Variants in B3GALNT1 observed in about 807,000 individuals in gnomAD.
B3GALNT1 encodes beta-1,3-N-acetylgalactosaminyltransferase 1 (Globoside blood group).
Under a neutral mutation model 27.3 loss-of-function variants are expected in B3GALNT1, and 17 were observed. The observed-to-expected ratio is 0.62, with a 90% CI of 0.43 to 0.94. The LOEUF (loss-of-function observed/expected upper bound fraction) is 0.94. Ranked by LOEUF, B3GALNT1 falls within the 40% of genes least tolerant of loss-of-function variation. The pLI, the probability that B3GALNT1 is intolerant of heterozygous loss-of-function variation, is 0.00. For synonymous variants in B3GALNT1, 141 were observed against 144.0 expected (o/e 0.98, Z 0.15); for missense variants, 347 against 390.0 (o/e 0.89, Z 0.93).
At chr3:161,090,751 G>A (rs1724642800) in intron 4 of B3GALNT1, among the ~76,000 whole-genome samples, 3 of 151,676 alleles carry the variant, frequency 2.0e-5, no homozygotes, top group Admixed American at 6.6e-5. Flanking sequence ...TACACAATTT[G>A]TTTCATCCAT....
rs965178579 is a variant in B3GALNT1, at chr3:161,084,767, C to G, written c.*992G>C. 2.0e-5 allele frequency: 3 copies of G among 152,176 alleles called. No homozygotes were observed. The highest frequency in any genetic ancestry group is 1.3e-4 in the Admixed American group (2 of 15,276). 9.4% of individuals were successfully genotyped at this position (152,176 alleles called of 1,614,324 possible). ...TAATAATGCAACTTGGATCTTCACTCTTCTCTTTCCAATTCAAATGCTGGA... is the reference window on the plus strand; with the variant it reads ...TAATAATGCAACTTGGATCTTCACTGTTCTCTTTCCAATTCAAATGCTGGA... On this transcript the variant is annotated 3_prime_UTR_variant, in exon 5 of 5. Coordinates refer to ENST00000320474, the MANE Select transcript of B3GALNT1 (RefSeq NM_003781.4).
intron 4 of B3GALNT1, among the ~76,000 whole-genome samples, chr3:161,091,820 C>CTA (rs1725272334): frequency 6.6e-6 from 1 of 152,112 alleles, no homozygotes. Flanking sequence ...TAAGCAGAGA[C>CTA]TACTATAGAT....
At chr3:161,100,609 A>G (rs1312961872) in intron 4 of B3GALNT1, among the ~76,000 whole-genome samples, 1 of 152,232 alleles carries the variant, frequency 6.6e-6, no homozygotes, top group Admixed American at 6.5e-5. Flanking sequence ...CAATCCCTGT[A>G]TATGGGAATC....
intron 4 of B3GALNT1, among the ~76,000 whole-genome samples, chr3:161,095,126 C>G (rs1417302024): frequency 6.6e-6 from 1 of 152,110 alleles, no homozygotes; most frequent in African/African-American, 2.4e-5. Context: ...GCCACCAAAC[C>G]CGGCCTGACT....
chr3:161,086,524 A>C lies in B3GALNT1; in HGVS notation c.231T>G (p.Asn77Lys), dbSNP rs757485787. The stretch of plus-strand genomic sequence containing the variant: ...AGGTCACCAGAATGACCAGAAATGG[A>C]TTTTGATGAGAGCAGTTTGAATGCT... ...LREHSNCSHQ[N>K]PFLVILVTSH... Residue 77 changes from asparagine (N) to lysine (K), a missense_variant, in exon 5 of 5, where the codon AAT becomes AAG. Transcript: ENST00000320474. The C allele has an allele frequency of 6.2e-7, 1 of 1,614,132 alleles. No homozygotes were observed. Among genetic ancestry groups the C allele is most frequent in the South Asian group, 1.1e-5 (1 of 91,080 alleles).
At chr3:161,093,675 A>G (rs1218941697) in intron 4 of B3GALNT1, among the ~76,000 whole-genome samples, 3 of 152,240 alleles carry the variant, frequency 2.0e-5, no homozygotes, top group African/African-American at 4.8e-5. Context: ...GAAAGAAATT[A>G]TAACTTAAAA....
intron 4 of B3GALNT1, among the ~76,000 whole-genome samples, chr3:161,095,666 G>GA (rs1265751213): frequency 6.6e-6 from 1 of 152,170 alleles, no homozygotes; most frequent in African/African-American, 2.4e-5. Context: ...TGCCCAGAGG[G>GA]AAAAAATTAA....
At chr3:161,102,666 A>T (rs1345668003) in intron 3 of B3GALNT1, among the ~76,000 whole-genome samples, 2 of 152,236 alleles carry the variant, frequency 1.3e-5, no homozygotes, top group African/African-American at 4.8e-5. Flanking sequence ...CTGTTGTGCA[A>T]GGTCATTAAG....
chr3:161,096,761 G>C (rs971632759), intron 4 of B3GALNT1, among the ~76,000 whole-genome samples: 4 of 152,162 alleles, frequency 2.6e-5, no homozygotes, highest in Non-Finnish European at 5.9e-5. Flanking sequence ...AACACAACCA[G>C]TGCCATCTGA....
intron 4 of B3GALNT1, among the ~76,000 whole-genome samples, chr3:161,089,640 C>A (rs1723918475): frequency 6.6e-6 from 1 of 151,564 alleles, no homozygotes; most frequent in African/African-American, 2.4e-5. Context: ...TCTGTCTATT[C>A]AATATAAGGT....
At chr3:161,089,685 A>G (rs1723945238) in intron 4 of B3GALNT1, among the ~76,000 whole-genome samples, 1 of 152,220 alleles carries the variant, frequency 6.6e-6, no homozygotes, top group Admixed American at 6.5e-5. Flanking sequence ...AAATGCATGC[A>G]AACACAAAAT....
rs1238254103 is a variant in B3GALNT1, at chr3:161,085,918, C to T, written c.837G>A (p.Val279=). 6.2e-7 allele frequency: 1 copy of T among 1,611,356 alleles called. No homozygotes were observed. Among genetic ancestry groups the T allele is most frequent in the Non-Finnish European group, 8.5e-7 (1 of 1,178,764 alleles). Residue 279 remains valine (V), a synonymous_variant, in exon 5 of 5, where the codon GTG becomes GTA. Transcript: ENST00000320474. ...YVGICLNLLK[V]NIHIPEDTNL... ...TTGTGTCTTCTGGAATATGAATGTT[C>T]ACTTTTAATAAATTCAAACAGATCC...
At chr3:161,089,952 C>T in intron 4 of B3GALNT1, 1 of 205,618 alleles carries the variant, frequency 4.9e-6, no homozygotes, top group Non-Finnish European at 1.1e-5. Flanking sequence ...ACCTGTAGTC[C>T]CACCTACTTG....
At chr3:161,098,125 A>G (rs530252939) in intron 4 of B3GALNT1, among the ~76,000 whole-genome samples, 2 of 152,122 alleles carry the variant, frequency 1.3e-5, no homozygotes, top group Non-Finnish European at 2.9e-5. Flanking sequence ...TATGTTTTAT[A>G]TTTCCATTCG....
chr3:161,087,271 T>TA, intron 4 of B3GALNT1, among the ~76,000 whole-genome samples: 1 of 152,336 alleles, frequency 6.6e-6, no homozygotes, highest in East Asian at 1.9e-4. Flanking sequence ...TGTGTTCTGA[T>TA]ACGGATTCTA....
chr3:161,103,605 G>T, intron 2 of B3GALNT1, 88 bp from the exon 3 acceptor site: 1 of 398,510 alleles, frequency 2.5e-6, no homozygotes. Flanking sequence ...TTAGCAAGTT[G>T]TTTTTGGAGC....
intron 2 of B3GALNT1, 149 bp downstream of exon 2, chr3:161,104,170 G>C (rs1373674293): frequency 2.3e-6 from 1 of 441,972 alleles, no homozygotes; most frequent in Non-Finnish European, 3.9e-6. Flanking sequence ...TCTCCAGACT[G>C]ATACGCGTTC....
chr3:161,086,435 C>T lies in B3GALNT1; in HGVS notation c.320G>A (p.Trp107Ter), dbSNP rs1469905572. 1.9e-6 allele frequency: 3 copies of T among 1,613,908 alleles called. No individual in the cohort carries two copies. The highest frequency in any genetic ancestry group is 2.2e-5 in the South Asian group (2 of 91,076). The change falls in exon 5 of 5, where the codon TGG (tryptophan) becomes TAG (stop). Residue 107 changes from tryptophan (W) to a stop codon, truncating the protein, a stop_gained. Coordinates refer to ENST00000320474, the MANE Select transcript of B3GALNT1 (RefSeq NM_003781.4). LOFTEE classifies it high-confidence loss of function. ...AAATGTAAGAACCTCATATCCCCACCAAGACTTTTTTTCACCCCAAGTAAC... is the reference window on the plus strand; with the variant it reads ...AAATGTAAGAACCTCATATCCCCACTAAGACTTTTTTTCACCCCAAGTAAC... ...IRVTWGEKKS[W>*]WGYEVLTFFL...
intron 4 of B3GALNT1, among the ~76,000 whole-genome samples, chr3:161,092,083 C>T (rs577485766): frequency 6.6e-6 from 1 of 152,186 alleles, no homozygotes; most frequent in African/African-American, 2.4e-5. Flanking sequence ...GGAACAAACA[C>T]CTATTATGTA....
Sources: allele counts gnomAD v4.1 joint callset (sites outside exome capture counted in the v4.1 genomes callset), GRCh38; gene constraint gnomAD v4.1.1; transcripts MANE v1.5; gene names NCBI Gene and HGNC (gene_info 2026-07-23, HGNC 2026-07-21).